The following KPNA6 variants were observed in gnomAD, a reference collection of about 807,000 sequenced individuals.
KPNA6 encodes the protein karyopherin subunit alpha 6.
A neutral mutation model predicts 72.0 loss-of-function variants in KPNA6; 9 were observed. The ratio of observed to expected loss-of-function variants is 0.13; its 90% CI spans 0.08 to 0.22. The LOEUF (loss-of-function observed/expected upper bound fraction) is 0.22. Ranked by LOEUF, KPNA6 falls within the 10% of genes least tolerant of loss-of-function variation. The pLI, the probability that KPNA6 is intolerant of heterozygous loss-of-function variation, is 1.00. For synonymous variants in KPNA6, 219 were observed against 242.1 expected (o/e 0.90, Z 0.89); for missense variants, 374 against 655.7 (o/e 0.57, Z 4.69).
intron 12 of KPNA6, among the ~76,000 whole-genome samples, chr1:32,169,201 C>G (rs1055810408): frequency 6.6e-6 from 1 of 151,666 alleles, no homozygotes; most frequent in African/African-American, 2.4e-5. Flanking sequence ...GACTTTGTCT[C>G]TACAAAAAAT....
At chr1:32,149,550 C>T (rs999336723) in intron 1 of KPNA6, among the ~76,000 whole-genome samples, 7 of 152,070 alleles carry the variant, frequency 4.6e-5, no homozygotes, top group Non-Finnish European at 5.9e-5. Flanking sequence ...CTTTATTCCG[C>T]GAATGGGCCA....
chr1:32,135,198 G>A (rs1485526887), intron 1 of KPNA6, among the ~76,000 whole-genome samples: 2 of 152,154 alleles, frequency 1.3e-5, no homozygotes, highest in Non-Finnish European at 2.9e-5. Context: ...CTCCCAAGTA[G>A]CTGGGATTAC....
At chr1:32,155,110 CAAAAAAAAAAA>C (rs144040035) in intron 2 of KPNA6, among the ~76,000 whole-genome samples, 18 of 54,230 alleles carry the variant, frequency 3.3e-4, no homozygotes, top group Non-Finnish European at 5.5e-4. Context: ...AACTCCATCT[CAAAAAAAAAAA>C]AAAAAAAAAA....
At chr1:32,125,979 TA>T (rs75504815) in intron 1 of KPNA6, among the ~76,000 whole-genome samples, 4,070 of 98,968 alleles carry the variant, frequency 0.041, 97 homozygotes, top group Middle Eastern at 0.11. Flanking sequence ...CTATATTTAC[TA>T]AAAAAAAAAA....
At chr1:32,110,056 ATTTTT>A (rs750004100) in intron 1 of KPNA6, among the ~76,000 whole-genome samples, 2 of 118,306 alleles carry the variant, frequency 1.7e-5, no homozygotes, top group Non-Finnish European at 3.4e-5. Flanking sequence ...CTGGAATTGA[ATTTTT>A]TTTTTTTTTT....
At chr1:32,159,612 G>A in intron 6 of KPNA6, 81 bp downstream of exon 6, 1 of 1,490,772 alleles carries the variant, frequency 6.7e-7, no homozygotes, top group Non-Finnish European at 9.1e-7. Flanking sequence ...CTGGTTCTTG[G>A]CACAGTGTTA....
At chr1:32,128,713 G>T (rs1332129725) in intron 1 of KPNA6, among the ~76,000 whole-genome samples, 1 of 151,880 alleles carries the variant, frequency 6.6e-6, no homozygotes, top group Non-Finnish European at 1.5e-5. Context: ...CTTCTGACAG[G>T]CTTGCACATA....
At chr1:32,159,027 G>C (rs1425828113) in intron 5 of KPNA6, among the ~76,000 whole-genome samples, 1 of 152,220 alleles carries the variant, frequency 6.6e-6, no homozygotes, top group Non-Finnish European at 1.5e-5. Flanking sequence ...GACTTTGAGA[G>C]ACCCATTTCA....
intron 1 of KPNA6, among the ~76,000 whole-genome samples, chr1:32,137,166 A>C (rs1641748716): frequency 6.6e-6 from 1 of 151,980 alleles, no homozygotes; most frequent in Non-Finnish European, 1.5e-5. Flanking sequence ...TACTGCATTC[A>C]TCTTCCCCCA....
intron 1 of KPNA6, among the ~76,000 whole-genome samples, chr1:32,141,787 A>G (rs1326959867): frequency 1.3e-5 from 2 of 152,234 alleles, no homozygotes; most frequent in East Asian, 3.9e-4. Flanking sequence ...GCCGAGGTCT[A>G]AAGACAAGGC....
At chr1:32,154,200 G>A (rs762080902) in intron 1 of KPNA6, among the ~76,000 whole-genome samples, 84 of 151,560 alleles carry the variant, frequency 5.5e-4, no homozygotes, top group Admixed American at 4.1e-3. Flanking sequence ...CTGGGATTAC[G>A]GGTGGGAGCC....
chr1:32,162,112 T>C lies in KPNA6; in HGVS notation c.747+66T>C, dbSNP rs1385501362. 6.3e-6 allele frequency: 8 copies of C among 1,269,404 alleles called. No homozygotes were observed. The Admixed American group carries it at 1.5e-4, about 23-fold the overall frequency. 78.6% of individuals were successfully genotyped at this position (1,269,404 alleles called of 1,614,324 possible). ...CCTTCATATGGAGTTTTTAAGTCTT[T>C]GGGATACTCCTTGGAGTCTCAAATC... On this transcript the variant is annotated intron_variant, in intron 8 of 13. Coordinates refer to ENST00000373625, the MANE Select transcript of KPNA6 (RefSeq NM_012316.5).
rs1446020193 is a variant in KPNA6 at position 32,161,992 on chromosome 1, C to G, written c.693C>G (p.Val231=). The G allele has an allele frequency of 6.2e-7, 1 of 1,614,034 alleles. No homozygotes were observed. The highest frequency in any genetic ancestry group is 2.2e-5 in the East Asian group (1 of 44,902). ...STRLTMTRNA[V]WALSNLCRGK... is the part of the protein sequence containing the mutation. The stretch of plus-strand genomic sequence containing the variant: ...GACTGACGATGACACGGAATGCAGT[C>G]TGGGCCCTGTCAAATCTCTGCCGAG... The change falls in exon 8 of 14, where the codon GTC becomes GTG. Residue 231 remains valine (V), a synonymous_variant. Coordinates refer to ENST00000373625, the MANE Select transcript of KPNA6 (RefSeq NM_012316.5).
chr1:32,124,427 G>A (rs1391593970), intron 1 of KPNA6, among the ~76,000 whole-genome samples: 2 of 151,544 alleles, frequency 1.3e-5, no homozygotes, highest in Admixed American at 1.3e-4. Context: ...TATAATCCCA[G>A]CACTTTGGGA....
Position 32,108,150 on chromosome 1 carries a change from A to G in KPNA6, c.4+16A>G. ...CCCGCGATGGGTGAGTGAGGAAACCACGCAGTAGGGTTCTTGGGCTCAGGG... is the reference window on the plus strand; with the variant it reads ...CCCGCGATGGGTGAGTGAGGAAACCGCGCAGTAGGGTTCTTGGGCTCAGGG... On this transcript the variant is annotated intron_variant, in intron 1 of 13. Transcript: ENST00000373625. 2 of 1,614,052 alleles carry G rather than the reference A, an allele frequency of 1.2e-6. No individual in the cohort carries two copies. The highest frequency in any genetic ancestry group is 1.7e-6 in the Non-Finnish European group (2 of 1,179,956).
chr1:32,158,512 A>C (rs1642184175), intron 5 of KPNA6, 151 bp downstream of exon 5: 4 of 560,210 alleles, frequency 7.1e-6, no homozygotes, highest in Non-Finnish European at 1.3e-5. Context: ...CCATTTCCTC[A>C]AGCATTTATC....
intron 1 of KPNA6, among the ~76,000 whole-genome samples, chr1:32,143,751 AT>A (rs1342703440): frequency 3.9e-5 from 6 of 152,216 alleles, no homozygotes; most frequent in Non-Finnish European, 8.8e-5. Flanking sequence ...CCACTAAGCG[AT>A]AACTCCCTAT....
chr1:32,157,043 C>T (rs375984119), intron 3 of KPNA6, 98 bp downstream of exon 3: 1 of 842,678 alleles, frequency 1.2e-6, no homozygotes. Context: ...TTGCCAGTAA[C>T]CATGACAAGT....
intron 1 of KPNA6, among the ~76,000 whole-genome samples, chr1:32,139,524 G>A (rs1176509033): frequency 6.6e-6 from 1 of 152,006 alleles, no homozygotes; most frequent in Non-Finnish European, 1.5e-5. Context: ...ATCTATTCTA[G>A]CCCCTAGACT....
Sources: gnomAD v4.1 joint callset for allele counts (sites outside exome capture counted in the v4.1 genomes callset) on GRCh38, gnomAD v4.1.1 for gene constraint, MANE v1.5 for transcripts, NCBI Gene and HGNC (gene_info 2026-07-23, HGNC 2026-07-21) for gene names.